Variants in MS4A14 observed in about 807,000 individuals in gnomAD.
MS4A14 encodes membrane-spanning 4-domains subfamily A member 14.
A neutral mutation model predicts 16.7 loss-of-function variants in MS4A14; 18 were observed. That is an observed-to-expected ratio of 1.08 (90% confidence interval 0.75 to 1.60). The LOEUF is 1.60. MS4A14 is among the 40% of genes most tolerant of loss of function. The probability of loss-of-function intolerance (pLI) is 0.00; values close to 1 mark genes in which losing one functional copy is unlikely to be tolerated. For synonymous variants in MS4A14, 305 were observed against 289.4 expected, an observed-to-expected ratio of 1.05 and a Z score of -0.55; for missense variants, 812 against 775.3, an observed-to-expected ratio of 1.05 and a Z score of -0.56.
At chr11:60,408,216 G>C (rs2085816168) in intron 4 of MS4A14, among the ~76,000 whole-genome samples, 1 of 151,934 alleles carries the variant, frequency 6.6e-6, no homozygotes, top group Non-Finnish European at 1.5e-5. Flanking sequence ...GTCTCTTTTG[G>C]ATACTTTTTC....
At position 60,415,753 on chromosome 11, in the gene MS4A14, A is replaced by G. The variant is rs2085930401; in HGVS notation, c.785A>G (p.Asn262Ser). Residue 262 changes from asparagine (N) to serine (S), a missense_variant, in exon 5 of 5, where the codon AAT becomes AGT. Transcript: ENST00000300187. ...PPTLEKKPSE[N>S]MSIQLDSTFK... ...ACACTAGAGAAAAAGCCCTCAGAAA[A>G]TATGTCCATTCAGCTAGACTCTACA... 6.2e-7 allele frequency: 1 copy of G among 1,613,976 alleles called. No homozygotes were observed. Among genetic ancestry groups the G allele is most frequent in the Non-Finnish European group, 8.5e-7 (1 of 1,179,922 alleles).
rs927565646 is a variant in MS4A14, at chr11:60,415,502, T to G, written c.534T>G (p.Asp178Glu). The G allele has an allele frequency of 6.2e-7, 1 of 1,613,530 alleles. No homozygotes were observed. Among genetic ancestry groups the G allele is most frequent in the Admixed American group, 1.7e-5 (1 of 59,942 alleles). ...AACAACCTGCCCCAGAAGAAAATGA[T>G]CAATTACAATTTGTGCTTCAAGAAG... ...NSEQPAPEEN[D>E]QLQFVLQEEF... Residue 178 changes from aspartate to glutamate, a missense_variant, in exon 5 of 5, where the codon GAT (aspartate) becomes GAG (glutamate). By Grantham distance (45) the Asp-to-Glu change is conservative. Transcript: ENST00000300187.
intron 1 of MS4A14, among the ~76,000 whole-genome samples, chr11:60,397,161 A>T (rs2085638110): frequency 6.6e-6 from 1 of 152,198 alleles, no homozygotes; most frequent in Admixed American, 6.5e-5. Context: ...AAAAATCATT[A>T]CTTGGTGTGC....
chr11:60,412,521 T>G (rs909191576), intron 4 of MS4A14, among the ~76,000 whole-genome samples: 14 of 151,928 alleles, frequency 9.2e-5, no homozygotes, highest in Non-Finnish European at 1.6e-4. Context: ...GCATATAAGT[T>G]TTTATAGTAT....
intron 2 of MS4A14, among the ~76,000 whole-genome samples, chr11:60,399,411 C>T (rs181454857): frequency 1.4e-4 from 21 of 152,180 alleles, no homozygotes; most frequent in Non-Finnish European, 2.8e-4. Flanking sequence ...ATGAATCTAT[C>T]GTGATGGCAT....
Position 60,402,994 on chromosome 11 carries a change from A to T in MS4A14, c.401A>T (p.His134Leu). 6.2e-7 allele frequency: 1 copy of T among 1,613,914 alleles called. No individual in the cohort carries two copies. ...ACTTTCACCATTCTCAGCTACAGAC[A>T]TCAAGACAAGTACTGCCAGATGCCA... ...GITFTILSYR[H>L]QDKYCQMPSF... The change falls in exon 4 of 5, where the codon CAT becomes CTT. Residue 134 changes from histidine (H) to leucine (L), a missense_variant. Transcript: ENST00000300187.
In MS4A14 at chr11:60,416,206, A is replaced by G. The variant is rs2085940553; in HGVS notation, c.1238A>G (p.His413Arg). 1.2e-6 allele frequency: 2 copies of G among 1,613,796 alleles called. No homozygotes were observed. The highest frequency in any genetic ancestry group is 1.3e-5 in the African/African-American group (1 of 74,896). ...QDMLSQALSA[H>R]AILPEASTSH... ...ATGCTATCCCAAGCTCTATCAGCGC[A>G]TGCCATATTACCTGAAGCCTCAACA... is the stretch of plus-strand genomic sequence containing the variant. The change falls in exon 5 of 5, where the codon CAT becomes CGT. Residue 413 changes from histidine to arginine, a missense_variant. Physicochemically the swap from His to Arg is conservative, Grantham distance 29. Transcript: ENST00000300187.
At chr11:60,404,202 C>T (rs1371094720) in intron 4 of MS4A14, among the ~76,000 whole-genome samples, 2 of 152,198 alleles carry the variant, frequency 1.3e-5, no homozygotes, top group Non-Finnish European at 2.9e-5. Flanking sequence ...TCCGTATTTC[C>T]TGCTGTCCAT....
intron 4 of MS4A14, chr11:60,406,077 G>A (rs545710810): frequency 2.4e-6 from 2 of 827,952 alleles, no homozygotes; most frequent in South Asian, 2.2e-5. Flanking sequence ...TTTATTAGTA[G>A]GAAAAGCAGC....
Position 60,396,710 on chromosome 11 carries a change from C to A in MS4A14, c.132C>A (p.Val44=). 6.2e-7 allele frequency: 1 copy of A among 1,613,536 alleles called. No individual in the cohort carries two copies. The highest frequency in any genetic ancestry group is 1.1e-5 in the South Asian group (1 of 90,926). ...LLDFLKGEPR[V]LGATQILLAL... ...ATTTTCTGAAGGGAGAGCCAAGAGT[C>A]TTGGGGGTAAGTCCTCTCCAGTCAA... The change falls in exon 1 of 5, where the codon GTC becomes GTA. Residue 44 remains valine, a synonymous_variant. Transcript: ENST00000300187.
At chr11:60,406,925 G>C (rs1470649494) in intron 4 of MS4A14, among the ~76,000 whole-genome samples, 2 of 130,968 alleles carry the variant, frequency 1.5e-5, no homozygotes, top group African/African-American at 5.4e-5. Flanking sequence ...ATATGTTTTT[G>C]AGAGTCATCC....
At chr11:60,405,792 C>T in intron 4 of MS4A14, 2 of 860,744 alleles carry the variant, frequency 2.3e-6, no homozygotes, top group South Asian at 1.6e-5. Flanking sequence ...TATGGGTTTC[C>T]CATACTTGGT....
intron 1 of MS4A14, 110 bp from the exon 2 acceptor site, chr11:60,397,742 C>A: frequency 2.1e-6 from 2 of 950,254 alleles, no homozygotes; most frequent in South Asian, 1.7e-5. Flanking sequence ...GAGAGGAAGG[C>A]ATTTGGATGG....
At chr11:60,404,789 G>T (rs370150304) in intron 4 of MS4A14, 3 of 309,668 alleles carry the variant, frequency 9.7e-6, no homozygotes, top group Non-Finnish European at 1.9e-5. Context: ...TTAGAGTAGC[G>T]CATAGCTCCC....
At chr11:60,404,517 TCCTA>T (rs1204719562) in intron 4 of MS4A14, 2 of 456,728 alleles carry the variant, frequency 4.4e-6, no homozygotes, top group South Asian at 1.5e-5. Flanking sequence ...GTAACACCTA[TCCTA>T]CCTATCTTTC....
rs1340078199 is a variant in MS4A14 at position 60,402,977 on chromosome 11, C to A, written c.384C>A (p.Thr128=). 3.1e-6 allele frequency: 5 copies of A among 1,613,690 alleles called. No individual in the cohort carries two copies. In the Admixed American group the frequency reaches 5.0e-5, roughly 16 times the overall value. Residue 128 remains threonine, a synonymous_variant, in exon 4 of 5, where the codon ACC becomes ACA. Coordinates refer to ENST00000300187, the MANE Select transcript of MS4A14 (RefSeq NM_032597.5). ...TTGCGATAACTGGGATTACTTTCAC[C>A]ATTCTCAGCTACAGACATCAAGACA... ...SLVAITGITF[T]ILSYRHQDKY... is the part of the protein sequence containing the mutation.
At chr11:60,412,371 C>T (rs2085880626) in intron 4 of MS4A14, among the ~76,000 whole-genome samples, 1 of 151,138 alleles carries the variant, frequency 6.6e-6, no homozygotes, top group African/African-American at 2.4e-5. Context: ...CAGAAGTTTC[C>T]TTTGTTAGGA....
intron 4 of MS4A14, among the ~76,000 whole-genome samples, chr11:60,411,720 C>A (rs868682705): frequency 6.6e-6 from 1 of 151,940 alleles, no homozygotes; most frequent in Non-Finnish European, 1.5e-5. Flanking sequence ...ATACAGATGG[C>A]CTTAATCTCC....
intron 4 of MS4A14, 99 bp downstream of exon 4, chr11:60,403,160 G>T: frequency 7.4e-7 from 1 of 1,348,066 alleles, no homozygotes; most frequent in Middle Eastern, 1.9e-4. Flanking sequence ...AAATGAAGTT[G>T]TGTCAGCATT....
Sources: gnomAD v4.1 joint callset for allele counts (sites outside exome capture counted in the v4.1 genomes callset) on GRCh38, gnomAD v4.1.1 for gene constraint, MANE v1.5 for transcripts, NCBI Gene and HGNC (gene_info 2026-07-23, HGNC 2026-07-21) for gene names.